The following PPP1CC variants were observed in gnomAD, a reference collection of about 807,000 sequenced individuals.
The protein encoded by PPP1CC is protein phosphatase 1 catalytic subunit gamma, also known as serine/threonine-protein phosphatase PP1-gamma catalytic subunit.
A neutral mutation model predicts 38.4 loss-of-function variants in PPP1CC; 16 were observed. That is an observed-to-expected ratio of 0.42 (90% CI 0.28 to 0.63). The LOEUF (loss-of-function observed/expected upper bound fraction) is 0.63, where lower values mean the gene tolerates loss of function less well. Ranked by LOEUF, PPP1CC falls within the 30% of genes least tolerant of loss-of-function variation. The probability of loss-of-function intolerance (pLI) is 0.25; values close to 1 mark genes in which losing one functional copy is unlikely to be tolerated. For synonymous variants in PPP1CC, 158 were observed against 136.0 expected (o/e 1.16, Z -1.13); for missense variants, 170 against 391.3 (o/e 0.43, Z 4.77).
chr12:110,733,517 G>C (rs2069906229), intron 1 of PPP1CC, among the ~76,000 whole-genome samples: 1 of 151,846 alleles, frequency 6.6e-6, no homozygotes, highest in Non-Finnish European at 1.5e-5. Flanking sequence ...TGTCACCTTT[G>C]AACATAGTTT....
chr12:110,742,633 C>T lies in PPP1CC; in HGVS notation c.55+20G>A. On this transcript the variant is annotated intron_variant, in intron 1 of 6. Transcript: ENST00000335007. Reference sequence around the variant, plus strand: ...CCCTCAGGCCCGCCTCCCCCTTCAGCCGCCCGCCGCCCCCCTTACCTTCCA... The same window carrying T: ...CCCTCAGGCCCGCCTCCCCCTTCAGTCGCCCGCCGCCCCCCTTACCTTCCA... 2.1e-6 allele frequency: 3 copies of T among 1,436,324 alleles called. No individual in the cohort carries two copies. Among genetic ancestry groups the T allele is most frequent in the South Asian group, 1.5e-5 (1 of 66,706 alleles). 89.0% of individuals were successfully genotyped at this position (1,436,324 alleles called of 1,614,324 possible). A position where few individuals can be genotyped will look rare whatever the true frequency, so the allele number is the denominator to read the frequency against.
At chr12:110,709,510 G>C in the PPP1CC span, among the ~76,000 whole-genome samples, 1 of 151,592 alleles carries the variant, frequency 6.6e-6, no homozygotes, top group African/African-American at 2.4e-5. Flanking sequence ...TTACAGGCAT[G>C]AGCCATGGTG....
At chr12:110,741,484 A>C (rs1431828294) in intron 1 of PPP1CC, among the ~76,000 whole-genome samples, 1 of 152,216 alleles carries the variant, frequency 6.6e-6, no homozygotes, top group Non-Finnish European at 1.5e-5. Flanking sequence ...ATAAGATGTT[A>C]GCATCCGTTG....
intron 3 of PPP1CC, among the ~76,000 whole-genome samples, chr12:110,729,219 G>A (rs2069844392): frequency 6.9e-6 from 1 of 143,964 alleles, no homozygotes; most frequent in Admixed American, 6.9e-5. Flanking sequence ...TTTTGAGACG[G>A]AGTCTCACTC....
At chr12:110,727,372 TTTCTA>T (rs2069811460) in intron 3 of PPP1CC, among the ~76,000 whole-genome samples, 1 of 152,208 alleles carries the variant, frequency 6.6e-6, no homozygotes, top group African/African-American at 2.4e-5. Flanking sequence ...GGCCTGCCTC[TTTCTA>T]TTCTCTCTTC....
intron 1 of PPP1CC, among the ~76,000 whole-genome samples, chr12:110,741,490 C>T (rs2070016791): frequency 6.6e-6 from 1 of 152,156 alleles, no homozygotes; most frequent in Admixed American, 6.5e-5. Context: ...TGTTAGCATC[C>T]GTTGACATGC....
Position 110,720,121 on chromosome 12 carries a change from A to C in PPP1CC, c.*955T>G. The C allele has an allele frequency of 1.9e-6, 3 of 1,543,814 alleles. No individual in the cohort carries two copies. Among genetic ancestry groups the C allele is most frequent in the Non-Finnish European group, 2.6e-6 (3 of 1,150,070 alleles). ...GCAGAATAAAGAATGTAGGCCAAAG[A>C]AAGCATAATCGGTCACTCGTATAGA... On this transcript the variant is annotated 3_prime_UTR_variant, in exon 7 of 7. Transcript: ENST00000335007.
downstream of PPP1CC, among the ~76,000 whole-genome samples, chr12:110,715,339 G>A (rs2136530064): frequency 6.6e-6 from 1 of 152,026 alleles, no homozygotes; most frequent in East Asian, 1.9e-4. Context: ...ATTATTTTTT[G>A]AGACAGGGTC....
chr12:110,736,288 C>T lies in PPP1CC; in HGVS notation c.56-4387G>A, dbSNP rs369266180. Among the ~76,000 whole-genome samples, 69 of 152,136 alleles carry T rather than the reference C, an allele frequency of 4.5e-4. 1 individual carries two copies. The highest frequency in any genetic ancestry group is 2.6e-3 in the Admixed American group (40 of 15,278). Reference sequence around the variant, plus strand: ...CTATTTTTCTGGCAAATCACTGACACGAGCAATAATAAAAACTTCCACACA... The same window carrying T: ...CTATTTTTCTGGCAAATCACTGACATGAGCAATAATAAAAACTTCCACACA... On this transcript the variant is annotated intron_variant, in intron 1 of 6. Coordinates refer to ENST00000335007, the MANE Select transcript of PPP1CC (RefSeq NM_002710.4).
chr12:110,731,982 A>T (rs552088280), intron 1 of PPP1CC, 81 bp from the exon 2 acceptor site: 2 of 1,506,106 alleles, frequency 1.3e-6, no homozygotes, highest in Non-Finnish European at 1.8e-6. Context: ...GGGCAAAAAC[A>T]TGGTTTAACT....
chr12:110,709,849 AT>A, the PPP1CC span, among the ~76,000 whole-genome samples: 1 of 151,590 alleles, frequency 6.6e-6, no homozygotes, highest in East Asian at 1.9e-4. Context: ...GCCTGGTCAA[AT>A]TTTAAAAGTT....
At chr12:110,729,710 T>C (rs1187585126) in intron 3 of PPP1CC, among the ~76,000 whole-genome samples, 2 of 152,240 alleles carry the variant, frequency 1.3e-5, no homozygotes, top group South Asian at 2.1e-4. Context: ...ATTATTTACG[T>C]ATTGCAAGAT....
rs758054057 is a variant in PPP1CC, at chr12:110,724,769, GATTAAAAAGAGAGTATTAC to G, written c.419-24_419-6del. 1.5e-5 allele frequency: 22 copies of G among 1,498,206 alleles called. No homozygotes were observed. Among genetic ancestry groups the G allele is most frequent in the Middle Eastern group, 1.7e-4 (1 of 5,860 alleles). 92.8% of individuals were successfully genotyped at this position (1,498,206 alleles called of 1,614,324 possible). Reference sequence around the variant, plus strand: ...TAATGTTGTATCTTCTTTTACCTGTGATTAAAAAGAGAGTATTACATTAAAAAGAGAGTATTACTGTTCC... The same window carrying G: ...TAATGTTGTATCTTCTTTTACCTGTGATTAAAAAGAGAGTATTACTGTTCC... On this transcript the variant is annotated splice_region_variant and splice_polypyrimidine_tract_variant and intron_variant, in intron 3 of 6. Coordinates refer to ENST00000335007, the MANE Select transcript of PPP1CC (RefSeq NM_002710.4).
At chr12:110,737,994 CAATA>C (rs1378849587) in intron 1 of PPP1CC, among the ~76,000 whole-genome samples, 9 of 152,036 alleles carry the variant, frequency 5.9e-5, no homozygotes, top group Non-Finnish European at 1.0e-4. Flanking sequence ...CTACTGTTCT[CAATA>C]AAGCATCTTG....
At chr12:110,711,004 C>T in the PPP1CC span, among the ~76,000 whole-genome samples, 71 of 150,884 alleles carry the variant, frequency 4.7e-4, no homozygotes, top group African/African-American at 1.7e-3. Context: ...GGTGAAACCC[C>T]GTCTCTACTA....
chr12:110,742,409 G>A (rs890334942), intron 1 of PPP1CC, among the ~76,000 whole-genome samples: 36 of 152,174 alleles, frequency 2.4e-4, no homozygotes, highest in Non-Finnish European at 4.1e-4. Context: ...ACGGCCGGGA[G>A]GAAGCCTGCA....
At chr12:110,726,643 C>T (rs566090835) in intron 3 of PPP1CC, 2 of 152,316 alleles carry the variant, frequency 1.3e-5, no homozygotes, top group East Asian at 3.9e-4. Context: ...ACTACCACCA[C>T]AGGATGAGTA....
intron 2 of PPP1CC, among the ~76,000 whole-genome samples, 159 bp downstream of exon 2, chr12:110,731,611 G>T (rs2069873092): frequency 6.6e-6 from 1 of 151,920 alleles, no homozygotes; most frequent in Admixed American, 6.6e-5. Flanking sequence ...TCCATTAGAG[G>T]TATTTATTCT....
intron 1 of PPP1CC, among the ~76,000 whole-genome samples, chr12:110,736,320 T>C (rs1053412552): frequency 3.4e-4 from 51 of 152,212 alleles, no homozygotes; most frequent in African/African-American, 1.2e-3. Context: ...CACATTTTTA[T>C]TGAAAACAAA....
Sources: allele counts gnomAD v4.1 joint callset (sites outside exome capture counted in the v4.1 genomes callset), GRCh38; gene constraint gnomAD v4.1.1; transcripts MANE v1.5; gene names NCBI Gene and HGNC (gene_info 2026-07-23, HGNC 2026-07-21).